CTC1: variants seen among roughly 807,000 people sequenced by gnomAD.
CTC1 encodes CST complex subunit CTC1.
A neutral mutation model predicts 136.3 loss-of-function variants in CTC1; 91 were observed. The observed-to-expected ratio is 0.67, with a 90% CI of 0.56 to 0.79. CTC1 has a LOEUF of 0.79. Ranked by LOEUF, CTC1 falls within the 30% of genes least tolerant of loss-of-function variation. The pLI is 0.00. For synonymous variants in CTC1, 606 were observed against 613.8 expected, an observed-to-expected ratio of 0.99 and a Z score of 0.19; for missense variants, 1,432 against 1,498.1, an observed-to-expected ratio of 0.96 and a Z score of 0.73.
Position 8,232,980 on chromosome 17 carries a change from C to T in CTC1, c.1871G>A (p.Arg624Gln), listed in dbSNP as rs377423237. Reference sequence around the variant, plus strand: ...GCAGGGCAGGGAACCACTTTGGTCCCGAAGTTGCAGACAACCTTTATGAGA... The same window carrying T: ...GCAGGGCAGGGAACCACTTTGGTCCTGAAGTTGCAGACAACCTTTATGAGA... Reference protein sequence around the residue: ...ASSHKGCLQLRDQSGSLPCLL... With the variant: ...ASSHKGCLQLQDQSGSLPCLL... Residue 624 changes from arginine to glutamine, a missense_variant, in exon 11 of 23, where the codon CGG becomes CAG. By Grantham distance (43) the Arg-to-Gln change is conservative (BLOSUM62 1). Coordinates refer to ENST00000651323, the MANE Select transcript of CTC1 (RefSeq NM_025099.6). 10 of 1,613,950 alleles carry T rather than the reference C, an allele frequency of 6.2e-6. No homozygotes were observed. Among genetic ancestry groups the T allele is most frequent in the East Asian group, 2.2e-5 (1 of 44,892 alleles).
chr17:8,242,543 AAAAAAAAAAAATAT>A (rs1266035734), intron 2 of CTC1, among the ~76,000 whole-genome samples: 16 of 85,782 alleles, frequency 1.9e-4, no homozygotes, highest in African/African-American at 5.8e-4. Flanking sequence ...GAAAAAAAAA[AAAAAAAAAAAATAT>A]ATATATATAT....
In CTC1 at chr17:8,238,016, A is replaced by C; in HGVS notation, c.647+15T>G. On this transcript the variant is annotated intron_variant, in intron 4 of 22. Coordinates refer to ENST00000651323, the MANE Select transcript of CTC1 (RefSeq NM_025099.6). ...GTTTTACAGCGCCCCTGCCATGCCT[A>C]GAGGGGGAAATTACCTGAGCCTGAG... 1 of 1,601,556 alleles carries C rather than the reference A, an allele frequency of 6.2e-7. No individual in the cohort carries two copies. Among genetic ancestry groups the C allele is most frequent in the Non-Finnish European group, 8.6e-7 (1 of 1,169,580 alleles).
rs766180217 is a variant in CTC1, at chr17:8,238,125, G to C, written c.553C>G (p.Pro185Ala). ...GEGHLELWDA[P>A]VPVFPLTISP... ...ATGGTCAAAGGAAACACTGGCACAG[G>C]GGCATCCCACAGCTCCAAGTGCCCT... The change falls in exon 4 of 23, where the codon CCT becomes GCT. Residue 185 changes from proline (P) to alanine (A), a missense_variant. Pro to Ala is a conservative substitution (Grantham distance 27, BLOSUM62 -1). Coordinates refer to ENST00000651323, the MANE Select transcript of CTC1 (RefSeq NM_025099.6). The C allele has an allele frequency of 1.2e-6, 2 of 1,614,136 alleles. No individual in the cohort carries two copies. The highest frequency in any genetic ancestry group is 3.3e-5 in the Admixed American group (2 of 60,012).
In CTC1 at chr17:8,228,523, G is replaced by A. The variant is rs766537691; in HGVS notation, c.3494C>T (p.Pro1165Leu). 83 of 1,613,914 alleles carry A rather than the reference G, an allele frequency of 5.1e-5. No homozygotes were observed. The highest frequency in any genetic ancestry group is 1.0e-4 in the Admixed American group (6 of 59,976). Reference sequence around the variant, plus strand: ...CTTACCTAATGGGACGATCTTCGACGGTTTCCTTTCCAGCTCAAAAGAAAG... The same window carrying A: ...CTTACCTAATGGGACGATCTTCGACAGTTTCCTTTCCAGCTCAAAAGAAAG... Reference protein sequence around the residue: ...IVLSFELERKPSKIVPLEPPR... With the variant: ...IVLSFELERKLSKIVPLEPPR... Residue 1165 changes from proline (P) to leucine (L), a missense_variant, in exon 22 of 23, where the codon CCG becomes CTG. Transcript: ENST00000651323.
chr17:8,231,915 G>T lies in CTC1; in HGVS notation c.2373C>A (p.Asp791Glu). ...WGLPEPQGND[D>E]NDQKVHLIFF... The stretch of plus-strand genomic sequence containing the variant: ...AGTCCCAGTTTACCTTCTGATCATT[G>T]TCGTCATTTCCCTGGGGCTCGGGCA... The change falls in exon 13 of 23, where the codon GAC becomes GAA. Residue 791 changes from aspartate to glutamate, a missense_variant. Transcript: ENST00000651323. 6.2e-7 allele frequency: 1 copy of T among 1,613,590 alleles called. No individual in the cohort carries two copies. The highest frequency in any genetic ancestry group is 8.5e-7 in the Non-Finnish European group (1 of 1,179,786).
chr17:8,235,839 A>G lies in CTC1; in HGVS notation c.1198T>C (p.Cys400Arg). Residue 400 changes from cysteine (C) to arginine (R), a missense_variant, in exon 7 of 23, where the codon TGT (cysteine) becomes CGT (arginine). Physicochemically the swap from Cys to Arg is radical, Grantham distance 180. Transcript: ENST00000651323. ...GCCCTGATCTCACATACCTGCAGAC[A>G]CACTCCAGGTCGCATCACCCGCCTA... ...GLRRVMRPGV[C>R]LQLQDVHLLQ... The G allele has an allele frequency of 1.2e-6, 2 of 1,608,874 alleles. No individual in the cohort carries two copies. The highest frequency in any genetic ancestry group is 1.7e-6 in the Non-Finnish European group (2 of 1,176,034).
Position 8,243,045 on chromosome 17 carries a change from A to G in CTC1, c.137T>C (p.Val46Ala). Residue 46 changes from valine to alanine, a missense_variant, in exon 2 of 23, where the codon GTG becomes GCG. Transcript: ENST00000651323. ...TCCCTGGGACAACCAGACAGTCTTC[A>G]CACAATCAATTACCAATGGAGTCAA... ...VQLTPLVIDC[V>A]KTVWLSQGRN... The G allele has an allele frequency of 6.2e-7, 1 of 1,614,042 alleles. No individual in the cohort carries two copies. Among genetic ancestry groups the G allele is most frequent in the Non-Finnish European group, 8.5e-7 (1 of 1,179,972 alleles).
At position 8,229,915 on chromosome 17, in the gene CTC1, C is replaced by T. The variant is rs1987064460; in HGVS notation, c.2987G>A (p.Ser996Asn). 6.2e-7 allele frequency: 1 copy of T among 1,614,006 alleles called. No homozygotes were observed. The highest frequency in any genetic ancestry group is 1.3e-5 in the African/African-American group (1 of 74,904). Residue 996 changes from serine to asparagine, a missense_variant, in exon 18 of 23, where the codon AGT (serine) becomes AAT (asparagine). Coordinates refer to ENST00000651323, the MANE Select transcript of CTC1 (RefSeq NM_025099.6). ...CCTGATGGTGGTCTCAGGGGGAAAA[C>T]TCAGGACCTGCACATAAGTGGATGA... ...FRSSTYVQVL[S>N]FPPETTISIP...
At position 8,238,406 on chromosome 17, in the gene CTC1, C is replaced by A; in HGVS notation, c.421G>T (p.Val141Phe). 6.2e-7 allele frequency: 1 copy of A among 1,613,834 alleles called. No homozygotes were observed. The highest frequency in any genetic ancestry group is 8.5e-7 in the Non-Finnish European group (1 of 1,179,736). The change falls in exon 3 of 23, where the codon GTC becomes TTC. Residue 141 changes from valine to phenylalanine, a missense_variant. By Grantham distance (50) the Val-to-Phe change is conservative. Transcript: ENST00000651323. ...CTTCCACTCACCTCACAGCTCAGGA[C>A]GCCAGTGTTATCTCTCACATAGAGG... is the stretch of plus-strand genomic sequence containing the variant. ...GSLYVRDNTGVLSCELIDLDL... is the reference protein window; with the variant it reads ...GSLYVRDNTGFLSCELIDLDL...
In CTC1 at chr17:8,231,292, C is replaced by A. The variant is rs370102181; in HGVS notation, c.2653G>T (p.Asp885Tyr). Reference protein sequence around the residue: ...NKSLPESSLTDLLSDNFTDSL... With the variant: ...NKSLPESSLTYLLSDNFTDSL... ...GACATTTACTTGTCACTGAGCAGGT[C>A]GGTCAGTGAGGATTCAGGCAATGAC... The change falls in exon 15 of 23, where the codon GAC becomes TAC. Residue 885 changes from aspartate (D) to tyrosine (Y), a missense_variant. Coordinates refer to ENST00000651323, the MANE Select transcript of CTC1 (RefSeq NM_025099.6). 5 of 1,576,700 alleles carry A rather than the reference C, an allele frequency of 3.2e-6. No individual in the cohort carries two copies. The highest frequency in any genetic ancestry group is 1.1e-5 in the South Asian group (1 of 87,428).
In CTC1 at chr17:8,228,329, G is replaced by C. The variant is rs200225342; in HGVS notation, c.3515-10C>G. On this transcript the variant is annotated splice_polypyrimidine_tract_variant and intron_variant, in intron 22 of 22. Transcript: ENST00000651323. The stretch of plus-strand genomic sequence containing the variant: ...TGTAGCCGAGGAGGTTCTGAGGTGG[G>C]AAGAGAGGAAAAACACACGTCTCAG... 1 of 1,613,088 alleles carries C rather than the reference G, an allele frequency of 6.2e-7. No individual in the cohort carries two copies. Among genetic ancestry groups the C allele is most frequent in the African/African-American group, 1.3e-5 (1 of 74,872 alleles).
rs1338467407 is a variant in CTC1, at chr17:8,229,343, G to C, written c.3115C>G (p.Leu1039Val). 33 of 1,614,104 alleles carry C rather than the reference G, an allele frequency of 2.0e-5. No individual in the cohort carries two copies. Among genetic ancestry groups the C allele is most frequent in the Non-Finnish European group, 2.7e-5 (32 of 1,180,050 alleles). The change falls in exon 19 of 23, where the codon CTC (leucine) becomes GTC (valine). Residue 1039 changes from leucine to valine, a missense_variant. Coordinates refer to ENST00000651323, the MANE Select transcript of CTC1 (RefSeq NM_025099.6). The stretch of plus-strand genomic sequence containing the variant: ...GTACAATAAGCACACACCCAGAAGA[G>C]CTGAAGGCTGAAGACAGAGACGATA... ...CHIVSVFSLQLFWVCAYCTSI... is the reference protein window; with the variant it reads ...CHIVSVFSLQVFWVCAYCTSI...
At chr17:8,242,495 C>T (rs549063380) in intron 2 of CTC1, among the ~76,000 whole-genome samples, 3 of 135,702 alleles carry the variant, frequency 2.2e-5, no homozygotes, top group Non-Finnish European at 3.1e-5. Flanking sequence ...GCTTTACTAA[C>T]GTTGCCTAGA....
chr17:8,231,187 C>A (rs1376708126), intron 15 of CTC1, 89 bp downstream of exon 15: 6 of 1,028,392 alleles, frequency 5.8e-6, no homozygotes, highest in Middle Eastern at 4.3e-4. Context: ...ATACCTCCTG[C>A]AGCAGAAAAT....
In CTC1 at chr17:8,230,417, G is replaced by A. The variant is rs755104918; in HGVS notation, c.2810C>T (p.Thr937Ile). 1 of 1,614,168 alleles carries A rather than the reference G, an allele frequency of 6.2e-7. No homozygotes were observed. The highest frequency in any genetic ancestry group is 8.5e-7 in the Non-Finnish European group (1 of 1,180,028). The change falls in exon 17 of 23, where the codon ACT becomes ATT. Residue 937 changes from threonine to isoleucine, a missense_variant. Thr to Ile is a moderately conservative substitution (Grantham distance 89). Coordinates refer to ENST00000651323, the MANE Select transcript of CTC1 (RefSeq NM_025099.6). ...RCVKLTVALE[T>I]AECEFPPHLD... The stretch of plus-strand genomic sequence containing the variant: ...GTGAGGGGGGAATTCACATTCAGCA[G>A]TCTCAAGAGCGACTGTTAGCTTCAC...
At chr17:8,238,686 A>G (rs1987962206) in intron 2 of CTC1, 57 bp from the exon 3 acceptor site, 1 of 1,279,166 alleles carries the variant, frequency 7.8e-7, no homozygotes, top group South Asian at 1.4e-5. Context: ...TACTAAGGCA[A>G]CCCTCAACCC....
intron 15 of CTC1, chr17:8,230,974 T>C (rs185210851): frequency 2.1e-5 from 10 of 473,450 alleles, no homozygotes; most frequent in Admixed American, 3.8e-5. Flanking sequence ...CTGTCTCTAC[T>C]AAAAATACAA....
At chr17:8,231,007 C>T (rs1332864336) in intron 15 of CTC1, 4 of 491,894 alleles carry the variant, frequency 8.1e-6, no homozygotes, top group East Asian at 3.4e-5. Context: ...GGTGTGGTGG[C>T]GTGCACCCCT....
intron 2 of CTC1, among the ~76,000 whole-genome samples, chr17:8,239,965 G>A (rs1216493548): frequency 6.6e-6 from 1 of 152,070 alleles, no homozygotes; most frequent in East Asian, 1.9e-4. Context: ...ACTGAGTCTG[G>A]TCAGGCACAA....
Sources: gnomAD v4.1 joint callset for allele counts (sites outside exome capture counted in the v4.1 genomes callset) on GRCh38, gnomAD v4.1.1 for gene constraint, MANE v1.5 for transcripts, NCBI Gene and HGNC (gene_info 2026-07-23, HGNC 2026-07-21) for gene names.